ANKRD29: variants seen among roughly 807,000 people sequenced by gnomAD.
ANKRD29 encodes ankyrin repeat domain-containing protein 29.
Under a neutral mutation model 38.0 loss-of-function variants are expected in ANKRD29, and 32 were observed. That is an observed-to-expected ratio of 0.84 (90% CI 0.64 to 1.13). The LOEUF (loss-of-function observed/expected upper bound fraction) is 1.13, where lower values mean the gene tolerates loss of function less well. ANKRD29 is among the 50% of genes most tolerant of loss of function. The pLI, the probability that ANKRD29 is intolerant of heterozygous loss-of-function variation, is 0.00. For synonymous variants in ANKRD29, 135 were observed against 152.4 expected (o/e 0.89, Z 0.84); for missense variants, 357 against 377.9 (o/e 0.94, Z 0.46).
chr18:23,649,523 C>T (rs1349109074), intron 1 of ANKRD29: 2 of 537,498 alleles, frequency 3.7e-6, no homozygotes, highest in Non-Finnish European at 3.6e-6. Flanking sequence ...TTTCCTCCAT[C>T]CTTCAAGGCC....
Position 23,629,899 on chromosome 18 carries a change from A to G in ANKRD29, c.482T>C (p.Ile161Thr). The change falls in exon 6 of 10, where the codon ATT becomes ACT. Residue 161 changes from isoleucine (I) to threonine (T), a missense_variant. Physicochemically the swap from Ile to Thr is moderately conservative, Grantham distance 89. Coordinates refer to ENST00000592179, the MANE Select transcript of ANKRD29 (RefSeq NM_173505.4). ...TGCTCCTGAAGCCAGCAGTAATCGAATAACATCCAAGTAACCACCTTGGGC... is the reference window on the plus strand; with the variant it reads ...TGCTCCTGAAGCCAGCAGTAATCGAGTAACATCCAAGTAACCACCTTGGGC... ...LAAQGGYLDV[I>T]RLLLASGAKV... The G allele has an allele frequency of 6.2e-7, 1 of 1,614,188 alleles. No homozygotes were observed. Among genetic ancestry groups the G allele is most frequent in the South Asian group, 1.1e-5 (1 of 91,068 alleles).
At chr18:23,640,037 A>G (rs577109461) in intron 3 of ANKRD29, among the ~76,000 whole-genome samples, 2 of 152,370 alleles carry the variant, frequency 1.3e-5, no homozygotes, top group Non-Finnish European at 2.9e-5. Flanking sequence ...TGAACTGTAC[A>G]CTTAAAAATG....
chr18:23,637,567 CT>C (rs527939444), intron 4 of ANKRD29, among the ~76,000 whole-genome samples: 29 of 147,836 alleles, frequency 2.0e-4, no homozygotes, highest in South Asian at 6.4e-4. Context: ...CCAGCGAATC[CT>C]TTTTTTTTTA....
In ANKRD29 at chr18:23,609,945, T is replaced by C. The variant is rs368690002; in HGVS notation, c.822+2147A>G. ...TTCAATGGGAATGGGGAAGTAATAC[T>C]TCTACATGCTGAGTCAAATGAAAAA... On this transcript the variant is annotated intron_variant, in intron 9 of 9. Coordinates refer to ENST00000592179, the MANE Select transcript of ANKRD29 (RefSeq NM_173505.4). Among the ~76,000 whole-genome samples, 17 of 152,210 alleles carry C rather than the reference T, an allele frequency of 1.1e-4. 1 individual carries two copies. The highest frequency in any genetic ancestry group is 7.9e-4 in the Admixed American group (12 of 15,258).
chr18:23,624,466 C>CA lies in ANKRD29; in HGVS notation c.529-4838dup, dbSNP rs56005663. 9.2e-3 allele frequency among the ~76,000 whole-genome samples: 298 copies of CA among 32,434 alleles called. 24 individuals carry two copies. Among genetic ancestry groups the CA allele is most frequent in the East Asian group, 0.013 (16 of 1,264 alleles). The allele number at this position is 32,434 out of a possible 152,430, so 21.3% of individuals were successfully genotyped here. A position where few individuals can be genotyped will look rare whatever the true frequency, so the allele number is the denominator to read the frequency against. On this transcript the variant is annotated intron_variant, in intron 6 of 9. Transcript: ENST00000592179. ...TGGGCGACAGAGTGAGACTCCATCTCAAAAAAAAAAAAAAAAAAAAAAAAA... is the reference window on the plus strand; with the variant it reads ...TGGGCGACAGAGTGAGACTCCATCTCAAAAAAAAAAAAAAAAAAAAAAAAAA...
chr18:23,630,592 G>T (rs924663721), intron 5 of ANKRD29, among the ~76,000 whole-genome samples: 1 of 152,100 alleles, frequency 6.6e-6, no homozygotes, highest in Non-Finnish European at 1.5e-5. Flanking sequence ...CTGCATTCCA[G>T]CCTGGGCAAC....
At chr18:23,648,960 T>A (rs1487553061) in intron 2 of ANKRD29, 123 bp downstream of exon 2, 1 of 813,612 alleles carries the variant, frequency 1.2e-6, no homozygotes, top group African/African-American at 1.7e-5. Context: ...TTAAAAAGGA[T>A]AAAGCAAGCA....
At chr18:23,625,910 C>CT (rs2145675671) in intron 6 of ANKRD29, among the ~76,000 whole-genome samples, 1 of 152,298 alleles carries the variant, frequency 6.6e-6, no homozygotes, top group South Asian at 2.1e-4. Context: ...TATCTGGAGC[C>CT]TTCTTCTAAC....
At chr18:23,622,882 T>A (rs2059813739) in intron 6 of ANKRD29, among the ~76,000 whole-genome samples, 1 of 152,182 alleles carries the variant, frequency 6.6e-6, no homozygotes, top group South Asian at 2.1e-4. Flanking sequence ...ATTATTATTA[T>A]CAATTTAGAA....
intron 3 of ANKRD29, among the ~76,000 whole-genome samples, chr18:23,642,381 C>T (rs754092898): frequency 1.3e-5 from 2 of 152,116 alleles, no homozygotes; most frequent in African/African-American, 4.8e-5. Context: ...CTGGTGCCTG[C>T]AGCGGAAGCC....
intron 9 of ANKRD29, chr18:23,609,273 A>C (rs1383549590): frequency 6.6e-6 from 1 of 152,150 alleles, no homozygotes; most frequent in Non-Finnish European, 1.5e-5. Context: ...ATCTGGCCCA[A>C]TCAGTTCTGC....
rs1012633571 is a variant in ANKRD29 at position 23,612,005 on chromosome 18, A to G, written c.822+87T>C. 12 of 1,200,608 alleles carry G rather than the reference A, an allele frequency of 1.0e-5. No homozygotes were observed. The Admixed American group carries it at 1.0e-4, about 10-fold the overall frequency. The allele number at this position is 1,200,608 out of a possible 1,614,324, so 74.4% of individuals were successfully genotyped here. ...TACTATGCAAAGAATGAAGATGGTG[A>G]CTGGAGCCAGGGAGATGTTTATCCT... On this transcript the variant is annotated intron_variant, in intron 9 of 9. Transcript: ENST00000592179.
chr18:23,626,441 A>G (rs1163922821), intron 6 of ANKRD29, among the ~76,000 whole-genome samples: 1 of 152,226 alleles, frequency 6.6e-6, no homozygotes, highest in East Asian at 1.9e-4. Flanking sequence ...CATTTGGTTA[A>G]TAGAAAAATA....
At chr18:23,645,394 T>C (rs1291150369) in intron 3 of ANKRD29, among the ~76,000 whole-genome samples, 1 of 152,090 alleles carries the variant, frequency 6.6e-6, no homozygotes, top group African/African-American at 2.4e-5. Flanking sequence ...GCCACCATGG[T>C]GAAACCCCAT....
At chr18:23,613,369 G>A (rs1376504264) in intron 8 of ANKRD29, among the ~76,000 whole-genome samples, 3 of 151,342 alleles carry the variant, frequency 2.0e-5, no homozygotes, top group East Asian at 2.0e-4. Flanking sequence ...ACAGGGTTTC[G>A]CCATGTTGCC....
chr18:23,606,029 G>T (rs1460836956), intron 9 of ANKRD29, among the ~76,000 whole-genome samples: 2 of 152,228 alleles, frequency 1.3e-5, no homozygotes, highest in South Asian at 2.1e-4. Flanking sequence ...GTGTACTAAG[G>T]CCCCAACAGT....
intron 1 of ANKRD29, among the ~76,000 whole-genome samples, chr18:23,652,033 G>A (rs1157696662): frequency 2.0e-5 from 3 of 152,270 alleles, no homozygotes; most frequent in African/African-American, 4.8e-5. Flanking sequence ...TGGAAACACC[G>A]TACGAAGGAC....
chr18:23,662,621 C>CCAAAA, intron 1 of ANKRD29, 89 bp downstream of exon 1: 1 of 389,140 alleles, frequency 2.6e-6, no homozygotes, highest in Non-Finnish European at 4.6e-6. Context: ...GCGCCCACCC[C>CCAAAA]ATCCCACCCC....
At chr18:23,660,817 A>C (rs558764708) in intron 1 of ANKRD29, among the ~76,000 whole-genome samples, 1 of 152,306 alleles carries the variant, frequency 6.6e-6, no homozygotes, top group East Asian at 1.9e-4. Flanking sequence ...AAACAAACAA[A>C]CAAACTAACA....
Sources: gnomAD v4.1 joint callset for allele counts (sites outside exome capture counted in the v4.1 genomes callset) on GRCh38, gnomAD v4.1.1 for gene constraint, MANE v1.5 for transcripts, NCBI Gene and HGNC (gene_info 2026-07-23, HGNC 2026-07-21) for gene names.